CARD14: variants seen among roughly 807,000 people sequenced by gnomAD.
The protein encoded by CARD14 is caspase recruitment domain-containing protein 14.
CARD14 carries 107 observed loss-of-function variants against 111.5 expected under a neutral mutation model. That is an observed-to-expected ratio of 0.96 (90% CI 0.82 to 1.13). CARD14 has a LOEUF of 1.13. Among genes scored for constraint, CARD14 ranks in the 50% most tolerant of loss-of-function variants. The pLI is 0.00. For synonymous variants in CARD14, 617 were observed against 579.6 expected (o/e 1.06, Z -0.93); for missense variants, 1,322 against 1,362.3 (o/e 0.97, Z 0.47).
chr17:80,204,397 T>TG, intron 20 of CARD14, 56 bp downstream of exon 20: 1 of 1,469,222 alleles, frequency 6.8e-7, no homozygotes, highest in Non-Finnish European at 9.1e-7. Flanking sequence ...TGAGGGGCTT[T>TG]GGGAGCTGCT....
chr17:80,177,232 CTTT>C (rs2144109045), intron 2 of CARD14, among the ~76,000 whole-genome samples: 1 of 152,012 alleles, frequency 6.6e-6, no homozygotes, highest in South Asian at 2.1e-4. Context: ...TCTTCTTCTT[CTTT>C]CTTTTTTTTT....
rs1452524384 is a variant in CARD14, at chr17:80,205,150, G to A, written c.2514G>A (p.Gly838=). Residue 838 remains glycine (G), a synonymous_variant, in exon 21 of 24, where the codon GGG becomes GGA. Coordinates refer to ENST00000648509, the MANE Select transcript of CARD14 (RefSeq NM_001366385.1). ...RPVLLVPRAV[G]KILSEKLCLL... ...TGCTCCTCGTGCCCAGGGCGGTTGG[G>A]AAGATCCTGAGCGAGAAACTGTGCC... 1 of 1,613,804 alleles carries A rather than the reference G, an allele frequency of 6.2e-7. No individual in the cohort carries two copies. The highest frequency in any genetic ancestry group is 8.5e-7 in the Non-Finnish European group (1 of 1,179,966).
At chr17:80,202,519 G>A (rs1233692100) in intron 18 of CARD14, 99 bp downstream of exon 18, 8 of 1,513,370 alleles carry the variant, frequency 5.3e-6, no homozygotes, top group Middle Eastern at 4.6e-4. Context: ...GCAATAGAGG[G>A]TGGGCGTGGT....
At position 80,205,768 on chromosome 17, in the gene CARD14, G is replaced by A. The variant is rs116305865; in HGVS notation, c.2691+116G>A. The A allele has an allele frequency of 1.9e-3, 2,161 of 1,132,564 alleles. 31 individuals carry two copies. The African/African-American group carries it at 0.03, about 16-fold the overall frequency. The allele number at this position is 1,132,564 out of a possible 1,614,324, so 70.2% of individuals were successfully genotyped here. ...GACCTGAGACCTGGGTGACCTTGTC[G>A]CCGACCTCTGGGTCCCAACAGCCCA... On this transcript the variant is annotated intron_variant, in intron 22 of 23. Transcript: ENST00000648509.
In CARD14 at chr17:80,173,084, T is replaced by C. The variant is rs1177110594; in HGVS notation, c.-511T>C. On this transcript the variant is annotated 5_prime_UTR_variant, in exon 2 of 24. Transcript: ENST00000648509. ...CTAGTAGAAATGGGGTTTCACCATG[T>C]TGGCAGGCTGGTCTCGAACTCTGAC... The C allele has an allele frequency of 2.0e-5, 3 of 153,072 alleles. No individual in the cohort carries two copies. Among genetic ancestry groups the C allele is most frequent in the Non-Finnish European group, 4.4e-5 (3 of 67,968 alleles). 9.5% of individuals were successfully genotyped at this position (153,072 alleles called of 1,614,324 possible). A position where few individuals can be genotyped will look rare whatever the true frequency, so the allele number is the denominator to read the frequency against.
intron 6 of CARD14, among the ~76,000 whole-genome samples, chr17:80,183,378 G>A (rs146241825): frequency 2.0e-5 from 3 of 152,160 alleles, no homozygotes; most frequent in Non-Finnish European, 2.9e-5. Flanking sequence ...GTTCCAGCAC[G>A]GTGTGTGTTT....
chr17:80,178,116 A>G (rs1420770813), intron 2 of CARD14, among the ~76,000 whole-genome samples: 2 of 151,774 alleles, frequency 1.3e-5, no homozygotes, highest in African/African-American at 2.4e-5. Flanking sequence ...TCACCTGCCC[A>G]CCCCGGCCTC....
chr17:80,198,349 G>C lies in CARD14; in HGVS notation c.1659-50G>C. On this transcript the variant is annotated intron_variant, in intron 15 of 23. Coordinates refer to ENST00000648509, the MANE Select transcript of CARD14 (RefSeq NM_001366385.1). This position sits in a 1 kb window ranked among gnomAD's most constrained non-coding sequence, Gnocchi z 7.5. ...GAAGCAATGGGGAGGTGGCCTTGCC[G>C]GCTCTCCTGCTCTGGGCAGTGCACA... is the stretch of plus-strand genomic sequence containing the variant. 1 of 1,562,642 alleles carries C rather than the reference G, an allele frequency of 6.4e-7. No individual in the cohort carries two copies. The highest frequency in any genetic ancestry group is 2.3e-5 in the East Asian group (1 of 44,126).
intron 5 of CARD14, 82 bp downstream of exon 5, chr17:80,181,731 G>A (rs2040183888): frequency 8.0e-7 from 1 of 1,253,830 alleles, no homozygotes; most frequent in South Asian, 1.5e-5. Context: ...TCTTCAGGGG[G>A]TCTCTTCTCG....
At chr17:80,200,580 C>G (rs2040920454) in intron 16 of CARD14, 1 of 152,202 alleles carries the variant, frequency 6.6e-6, no homozygotes, top group Non-Finnish European at 1.5e-5. Context: ...CAGTCCCCAA[C>G]CTTTTTGGCA....
Position 80,198,815 on chromosome 17 carries a change from G to C in CARD14, c.1851+224G>C. On this transcript the variant is annotated intron_variant, in intron 16 of 23. Transcript: ENST00000648509. The surrounding 1 kb of genome is among the most constrained non-coding windows in gnomAD (Gnocchi z 7.5). The stretch of plus-strand genomic sequence containing the variant: ...ACCCGTGGTGCTGCTGCCATGCGGC[G>C]CTTCTGACCAGGGGTCTTTGCATGA... The C allele has an allele frequency of 6.8e-7, 1 of 1,479,962 alleles. No homozygotes were observed. Among genetic ancestry groups the C allele is most frequent in the Non-Finnish European group, 8.9e-7 (1 of 1,120,834 alleles). The allele number at this position is 1,479,962 out of a possible 1,614,324, so 91.7% of individuals were successfully genotyped here.
At chr17:80,190,183 G>A (rs1162702128) in intron 9 of CARD14, among the ~76,000 whole-genome samples, 5 of 152,144 alleles carry the variant, frequency 3.3e-5, no homozygotes, top group Admixed American at 1.3e-4. Flanking sequence ...GAAGAGAAGA[G>A]GACAGGGAGG....
At chr17:80,192,933 G>T (rs1487442205) in intron 12 of CARD14, among the ~76,000 whole-genome samples, 4 of 152,102 alleles carry the variant, frequency 2.6e-5, no homozygotes, top group African/African-American at 9.7e-5. Flanking sequence ...TGTGTTTTTA[G>T]TAGAGAGGGT....
chr17:80,202,256 G>T lies in CARD14; in HGVS notation c.2055G>T (p.Leu685=). ...SGDSFYIRVN[L]AMEGRAKGEL... ...ACTCATTCTACATCCGGGTCAACCT[G>T]GCCATGGAGGGCAGGGCCAAAGGGG... Residue 685 remains leucine, a synonymous_variant, in exon 18 of 24, where the codon CTG becomes CTT. Transcript: ENST00000648509. The T allele has an allele frequency of 6.2e-7, 1 of 1,614,018 alleles. No homozygotes were observed. The highest frequency in any genetic ancestry group is 8.5e-7 in the Non-Finnish European group (1 of 1,180,040).
chr17:80,207,205 G>T, intron 23 of CARD14, 120 bp downstream of exon 23: 3 of 642,954 alleles, frequency 4.7e-6, no homozygotes, highest in Non-Finnish European at 7.9e-6. Context: ...GCGCTGACAG[G>T]GCCGTTTCCG....
intron 5 of CARD14, 134 bp downstream of exon 5, chr17:80,181,783 C>A: frequency 1.3e-6 from 1 of 762,674 alleles, no homozygotes; most frequent in Non-Finnish European, 2.1e-6. Flanking sequence ...CTTTAGGGCC[C>A]ACCTGGATAA....
intron 2 of CARD14, among the ~76,000 whole-genome samples, chr17:80,173,934 T>C (rs1426428372): frequency 6.6e-6 from 1 of 152,102 alleles, no homozygotes; most frequent in Non-Finnish European, 1.5e-5. Context: ...AATAATGGAA[T>C]GCCAAATGTA....
chr17:80,191,536 G>A, intron 11 of CARD14, 64 bp downstream of exon 11: 6 of 1,578,234 alleles, frequency 3.8e-6, no homozygotes, highest in Non-Finnish European at 3.5e-6. Flanking sequence ...GTGGGACAGA[G>A]CTGGGCTCCA....
At position 80,181,597 on chromosome 17, in the gene CARD14, C is replaced by G. The variant is rs368565321; in HGVS notation, c.159C>G (p.Asp53Glu). Residue 53 changes from aspartate (D) to glutamate (E), a missense_variant, in exon 5 of 24, where the codon GAC becomes GAG. By Grantham distance (45) the Asp-to-Glu change is conservative. Transcript: ENST00000648509. ...LRQAKVLCQL[D>E]EEEVLHSPRL... Reference sequence around the variant, plus strand: ...AGGCCAAGGTGCTGTGCCAGCTGGACGAGGAGGAGGTGCTGCACAGCCCCC... The same window carrying G: ...AGGCCAAGGTGCTGTGCCAGCTGGAGGAGGAGGAGGTGCTGCACAGCCCCC... 143 of 1,559,790 alleles carry G rather than the reference C, an allele frequency of 9.2e-5. No homozygotes were observed. The highest frequency in any genetic ancestry group is 1.2e-4 in the Non-Finnish European group (141 of 1,152,170).
Sources: allele counts gnomAD v4.1 joint callset (sites outside exome capture counted in the v4.1 genomes callset), GRCh38; gene constraint gnomAD v4.1.1; non-coding constraint Gnocchi (gnomAD v3.1); transcripts MANE v1.5; gene names NCBI Gene and HGNC (gene_info 2026-07-23, HGNC 2026-07-21).